Variants in ADK observed in about 807,000 individuals in gnomAD.
The protein encoded by ADK is N6,N6-dimethyladenosine kinase.
In ADK, 24 loss-of-function variants were observed where a neutral mutation model predicts 44.7. That is an observed-to-expected ratio of 0.54 (90% CI 0.39 to 0.76). The LOEUF is 0.76. Ranked by LOEUF, ADK falls within the 30% of genes least tolerant of loss-of-function variation. ADK has a pLI of 0.00. For synonymous variants in ADK, 128 were observed against 142.6 expected (o/e 0.90, Z 0.73); for missense variants, 321 against 425.1 (o/e 0.76, Z 2.15).
intron 7 of ADK, among the ~76,000 whole-genome samples, chr10:74,571,990 T>G (rs554542710): frequency 6.6e-6 from 1 of 152,324 alleles, no homozygotes; most frequent in Non-Finnish European, 1.5e-5. Flanking sequence ...ATTGGAGCAT[T>G]TAGCCCATTT....
chr10:74,343,895 A>G (rs368973713), intron 4 of ADK, among the ~76,000 whole-genome samples: 1 of 152,180 alleles, frequency 6.6e-6, no homozygotes, highest in South Asian at 2.1e-4. Context: ...GGCGTGAGCA[A>G]CCATGCCTGG....
intron 6 of ADK, among the ~76,000 whole-genome samples, chr10:74,430,243 C>T (rs187445475): frequency 3.3e-5 from 5 of 152,186 alleles, no homozygotes; most frequent in Admixed American, 1.3e-4. Flanking sequence ...TACTCAGTTT[C>T]TCGAGGTAAC....
intron 6 of ADK, among the ~76,000 whole-genome samples, chr10:74,484,369 A>G (rs1038991928): frequency 2.6e-5 from 4 of 152,218 alleles, no homozygotes; most frequent in Admixed American, 1.3e-4. Context: ...CCCCTCTTCT[A>G]ACACTGGGGA....
intron 9 of ADK, among the ~76,000 whole-genome samples, chr10:74,638,597 A>G (rs1349472756): frequency 1.3e-5 from 2 of 152,238 alleles, no homozygotes; most frequent in Non-Finnish European, 2.9e-5. Context: ...TCGAGGTTAC[A>G]GTGAGCTATG....
intron 3 of ADK, among the ~76,000 whole-genome samples, chr10:74,276,505 C>A (rs1846685701): frequency 6.6e-6 from 1 of 152,150 alleles, no homozygotes; most frequent in South Asian, 2.1e-4. Context: ...AAACAATACC[C>A]TTTTATTATC....
intron 3 of ADK, among the ~76,000 whole-genome samples, chr10:74,312,548 A>G (rs1225704419): frequency 1.3e-5 from 2 of 151,942 alleles, no homozygotes; most frequent in East Asian, 1.9e-4. Flanking sequence ...AAAGTAAACT[A>G]TAAACACCAG....
intron 1 of ADK, among the ~76,000 whole-genome samples, chr10:74,161,312 C>T (rs1000408453): frequency 6.6e-6 from 1 of 152,120 alleles, no homozygotes; most frequent in South Asian, 2.1e-4. Context: ...AGCAATTCTC[C>T]TGCCTCAGCC....
At chr10:74,217,842 A>T (rs1844122644) in intron 2 of ADK, among the ~76,000 whole-genome samples, 1 of 152,146 alleles carries the variant, frequency 6.6e-6, no homozygotes, top group African/African-American at 2.4e-5. Flanking sequence ...TAACAAACAG[A>T]AAGGACATCC....
chr10:74,491,812 C>G (rs1371664878), intron 6 of ADK, among the ~76,000 whole-genome samples: 1 of 151,958 alleles, frequency 6.6e-6, no homozygotes, highest in Non-Finnish European at 1.5e-5. Context: ...TGCTTTCCCC[C>G]CCGATAGAAA....
chr10:74,652,480 G>T (rs1221269734), intron 9 of ADK, among the ~76,000 whole-genome samples: 1 of 151,914 alleles, frequency 6.6e-6, no homozygotes, highest in Admixed American at 6.6e-5. Context: ...TAGCCTGTAG[G>T]CCAGGTGTGG....
intron 6 of ADK, chr10:74,505,982 T>G (rs1019842947): frequency 6.6e-6 from 1 of 152,218 alleles, no homozygotes; most frequent in Non-Finnish European, 1.5e-5. Flanking sequence ...AAGTTACTTC[T>G]CCTCTTATCC....
At chr10:74,221,808 G>A (rs1844321998) in intron 2 of ADK, among the ~76,000 whole-genome samples, 1 of 147,632 alleles carries the variant, frequency 6.8e-6, no homozygotes, top group Middle Eastern at 3.4e-3. Flanking sequence ...TGGGAAAACT[G>A]GCTAGCCATA....
intron 3 of ADK, among the ~76,000 whole-genome samples, chr10:74,240,289 A>G (rs1845155782): frequency 6.6e-6 from 1 of 151,972 alleles, no homozygotes; most frequent in Non-Finnish European, 1.5e-5. Context: ...TAATGCTGTC[A>G]TTTCTTAAAG....
intron 6 of ADK, among the ~76,000 whole-genome samples, chr10:74,472,457 A>G (rs753208028): frequency 2.6e-5 from 4 of 151,636 alleles, no homozygotes; most frequent in Non-Finnish European, 4.4e-5. Context: ...TCTGTAAGTC[A>G]TTTTCCTCCC....
chr10:74,671,583 A>G (rs753835485), intron 10 of ADK, among the ~76,000 whole-genome samples: 1 of 152,072 alleles, frequency 6.6e-6, no homozygotes, highest in Non-Finnish European at 1.5e-5. Context: ...TTAGCAGCCA[A>G]TTTTCCTATT....
At chr10:74,298,571 A>G (rs948270836) in intron 3 of ADK, among the ~76,000 whole-genome samples, 23 of 152,064 alleles carry the variant, frequency 1.5e-4, no homozygotes, top group Admixed American at 6.6e-5. Flanking sequence ...TGCGCAACAT[A>G]GTGAGACCCT....
At position 74,565,316 on chromosome 10, in the gene ADK, G is replaced by A. The variant is rs144576718; in HGVS notation, c.727-23966G>A. Among the ~76,000 whole-genome samples, 330 of 152,168 alleles carry A rather than the reference G, an allele frequency of 2.2e-3. 2 individuals carry two copies. The highest frequency in any genetic ancestry group is 7.5e-3 in the African/African-American group (312 of 41,516). Reference sequence around the variant, plus strand: ...TTTTTTAGTTCATGAAACAATATTGGCATAACTGTTCCCCTAACAACTTAA... The same window carrying A: ...TTTTTTAGTTCATGAAACAATATTGACATAACTGTTCCCCTAACAACTTAA... On this transcript the variant is annotated intron_variant, in intron 7 of 10. Coordinates refer to ENST00000539909, the MANE Select transcript of ADK (RefSeq NM_006721.4).
At chr10:74,337,832 G>A (rs961827230) in intron 4 of ADK, among the ~76,000 whole-genome samples, 2 of 149,442 alleles carry the variant, frequency 1.3e-5, no homozygotes, top group African/African-American at 2.5e-5. Context: ...ATGCAATCTC[G>A]GCTCACCGCA....
At chr10:74,341,527 CAAAAAAA>C (rs35233016) in intron 4 of ADK, among the ~76,000 whole-genome samples, 2 of 61,590 alleles carry the variant, frequency 3.2e-5, no homozygotes, top group Admixed American at 1.8e-4. Flanking sequence ...GACTCCGTCT[CAAAAAAA>C]AAAAAAAAAA....
Sources: gnomAD v4.1 joint callset for allele counts (sites outside exome capture counted in the v4.1 genomes callset) on GRCh38, gnomAD v4.1.1 for gene constraint, MANE v1.5 for transcripts, NCBI Gene and HGNC (gene_info 2026-07-23, HGNC 2026-07-21) for gene names.